VPS37A: variants seen among roughly 807,000 people sequenced by gnomAD.
VPS37A encodes VPS37A subunit of ESCRT-I.
In VPS37A, 30 loss-of-function variants were observed where a neutral mutation model predicts 49.8. That is an observed-to-expected ratio of 0.60 (90% CI 0.45 to 0.82). The LOEUF (loss-of-function observed/expected upper bound fraction) is 0.82, where lower values mean the gene tolerates loss of function less well. VPS37A is among the 40% of genes least tolerant of loss of function. The probability of loss-of-function intolerance (pLI) is 0.00; values close to 1 mark genes in which losing one functional copy is unlikely to be tolerated. For missense variants in VPS37A, 593 were observed against 464.4 expected, an observed-to-expected ratio of 1.28 and a Z score of -2.55; for synonymous variants, 195 against 160.6, an observed-to-expected ratio of 1.21 and a Z score of -1.62.
chr8:17,298,608 T>C (rs1175901133), downstream of VPS37A: 1 of 152,554 alleles, frequency 6.6e-6, no homozygotes, highest in East Asian at 1.9e-4. Context: ...TCCTTTCACA[T>C]ATTCAAAATA....
intron 9 of VPS37A, among the ~76,000 whole-genome samples, chr8:17,281,710 A>G (rs1389242030): frequency 1.3e-5 from 2 of 152,078 alleles, no homozygotes; most frequent in Non-Finnish European, 2.9e-5. Flanking sequence ...AAAATAAACA[A>G]TCAAAAATTC....
chr8:17,284,340 C>T, intron 9 of VPS37A, 133 bp from the exon 10 acceptor site: 1 of 1,026,304 alleles, frequency 9.7e-7, no homozygotes. Flanking sequence ...TATAAGACAG[C>T]AGATTTTCTC....
chr8:17,330,639 C>T, the VPS37A span, among the ~76,000 whole-genome samples: 3 of 152,240 alleles, frequency 2.0e-5, no homozygotes, highest in Admixed American at 6.5e-5. Context: ...TTGTCATGTT[C>T]GCCATATATG....
At chr8:17,329,744 C>T in the VPS37A span, among the ~76,000 whole-genome samples, 1 of 152,140 alleles carries the variant, frequency 6.6e-6, no homozygotes, top group Non-Finnish European at 1.5e-5. Flanking sequence ...TTTTTCAACA[C>T]ATAAAAAACA....
At chr8:17,293,561 T>C (rs1816338098) in intron 11 of VPS37A, among the ~76,000 whole-genome samples, 3 of 152,168 alleles carry the variant, frequency 2.0e-5, no homozygotes, top group African/African-American at 7.2e-5. Flanking sequence ...ATTTTCAGCC[T>C]TTTTGCACTG....
At chr8:17,322,362 C>T in the VPS37A span, among the ~76,000 whole-genome samples, 5 of 152,200 alleles carry the variant, frequency 3.3e-5, no homozygotes, top group South Asian at 1.0e-3. Context: ...GAAAATCAAG[C>T]AGCAAGTTCA....
chr8:17,331,087 A>T, the VPS37A span: 40 of 1,549,564 alleles, frequency 2.6e-5, no homozygotes, highest in East Asian at 9.3e-4. Context: ...AGACTATCTT[A>T]TTCCCTTTTG....
the VPS37A span, among the ~76,000 whole-genome samples, chr8:17,312,763 A>G: frequency 1.3e-5 from 2 of 152,150 alleles, no homozygotes; most frequent in African/African-American, 4.8e-5. Context: ...GGCATCAGGG[A>G]AGATATGGTT....
At chr8:17,291,577 T>A (rs559222791) in intron 11 of VPS37A, among the ~76,000 whole-genome samples, 6 of 152,246 alleles carry the variant, frequency 3.9e-5, no homozygotes, top group African/African-American at 1.4e-4. Context: ...AGGGTGTTGA[T>A]TTTTTAGATT....
the VPS37A span, among the ~76,000 whole-genome samples, chr8:17,317,472 CCT>C: frequency 3.3e-5 from 5 of 152,232 alleles, no homozygotes; most frequent in South Asian, 4.2e-4. Context: ...TCACTTAACC[CCT>C]GTTTTTGGCC....
chr8:17,278,750 C>G (rs1814758906), intron 6 of VPS37A, among the ~76,000 whole-genome samples: 2 of 151,924 alleles, frequency 1.3e-5, no homozygotes, highest in African/African-American at 2.4e-5. Context: ...CCAGAATATA[C>G]TGTTGTTTTT....
intron 1 of VPS37A, among the ~76,000 whole-genome samples, chr8:17,261,252 A>G (rs865901756): frequency 6.6e-6 from 1 of 152,158 alleles, no homozygotes. Flanking sequence ...CCATTCTGCC[A>G]TGGAGAGCCT....
chr8:17,248,811 T>C (rs1811709184), intron 1 of VPS37A, among the ~76,000 whole-genome samples: 2 of 152,184 alleles, frequency 1.3e-5, no homozygotes, highest in Admixed American at 1.3e-4. Context: ...AAGGTGAAAT[T>C]TTATGCTGTT....
chr8:17,280,226 A>G lies in VPS37A; in HGVS notation c.842-13A>G. 1.9e-6 allele frequency: 3 copies of G among 1,612,470 alleles called. No homozygotes were observed. The highest frequency in any genetic ancestry group is 2.5e-6 in the Non-Finnish European group (3 of 1,179,212). On this transcript the variant is annotated splice_polypyrimidine_tract_variant and intron_variant, in intron 7 of 11. Coordinates refer to ENST00000324849, the MANE Select transcript of VPS37A (RefSeq NM_152415.3). ...ATCTTTACCTAGAAGTAAACTAGAG[A>G]TTTATCTTACAGGAAAAAATCTCCT... is the stretch of plus-strand genomic sequence containing the variant.
At chr8:17,281,060 T>G (rs561389652) in intron 9 of VPS37A, among the ~76,000 whole-genome samples, 100 of 151,868 alleles carry the variant, frequency 6.6e-4, no homozygotes, top group African/African-American at 2.4e-3. Context: ...AAAATAGACA[T>G]AAACCAACAA....
Position 17,280,403 on chromosome 8 carries a change from C to G in VPS37A, c.929C>G (p.Thr310Ser), listed in dbSNP as rs146110170. ...KYELLTQMKSTFEKKMQRQHE... is the reference protein window; with the variant it reads ...KYELLTQMKSSFEKKMQRQHE... Reference sequence around the variant, plus strand: ...GAATTACTTACACAGATGAAGTCCACTTTCGAAAAGAAGATGCAAAGGCAG... The same window carrying G: ...GAATTACTTACACAGATGAAGTCCAGTTTCGAAAAGAAGATGCAAAGGCAG... Residue 310 changes from threonine to serine, a missense_variant, in exon 9 of 12, where the codon ACT (threonine) becomes AGT (serine). Physicochemically the swap from Thr to Ser is moderately conservative, Grantham distance 58. Coordinates refer to ENST00000324849, the MANE Select transcript of VPS37A (RefSeq NM_152415.3). The G allele has an allele frequency of 2.5e-6, 4 of 1,609,602 alleles. No individual in the cohort carries two copies. The Admixed American group carries it at 5.1e-5, about 20-fold the overall frequency.
At chr8:17,329,425 T>A in the VPS37A span, among the ~76,000 whole-genome samples, 1 of 152,224 alleles carries the variant, frequency 6.6e-6, no homozygotes, top group Admixed American at 6.5e-5. Flanking sequence ...AACAGACAGC[T>A]GCCCTCCAGA....
At chr8:17,279,848 A>G (rs769740526) in intron 6 of VPS37A, 180 bp from the exon 7 acceptor site, 120 of 734,198 alleles carry the variant, frequency 1.6e-4, no homozygotes, top group South Asian at 1.2e-3. Context: ...AGACTGCTCT[A>G]TGTTCCATTG....
intron 1 of VPS37A, 30 bp downstream of exon 1, chr8:17,247,399 A>G: frequency 8.0e-7 from 1 of 1,252,092 alleles, no homozygotes; most frequent in Non-Finnish European, 1.1e-6. Context: ...CCACCGGAGG[A>G]AAAAGTAGGG....
Sources: gnomAD v4.1 joint callset for allele counts (sites outside exome capture counted in the v4.1 genomes callset) on GRCh38, gnomAD v4.1.1 for gene constraint, MANE v1.5 for transcripts, NCBI Gene and HGNC (gene_info 2026-07-23, HGNC 2026-07-21) for gene names.